Variants in FAM114A2 observed in about 807,000 individuals in gnomAD.
The protein encoded by FAM114A2 is family with sequence similarity 114 member A2.
In FAM114A2, 53 loss-of-function variants were observed where a neutral mutation model predicts 58.4. The observed-to-expected ratio is 0.91, with a 90% confidence interval of 0.73 to 1.14. The LOEUF (loss-of-function observed/expected upper bound fraction) is 1.14. FAM114A2 is among the 50% of genes most tolerant of loss of function. The pLI is 0.00. For synonymous variants in FAM114A2, 228 were observed against 211.4 expected, an observed-to-expected ratio of 1.08 and a Z score of -0.68; for missense variants, 601 against 581.1, an observed-to-expected ratio of 1.03 and a Z score of -0.35.
chr5:154,023,025 C>T (rs1351004490), intron 8 of FAM114A2, among the ~76,000 whole-genome samples: 2 of 152,152 alleles, frequency 1.3e-5, no homozygotes, highest in African/African-American at 4.8e-5. Flanking sequence ...TCTGAGCAAA[C>T]TATCACAAGG....
intron 7 of FAM114A2, 103 bp downstream of exon 7, chr5:154,027,073 C>T (rs1214434302): frequency 4.1e-6 from 4 of 973,806 alleles, no homozygotes; most frequent in Non-Finnish European, 6.1e-6. Flanking sequence ...AAGCCTCTAA[C>T]AAAACATACA....
In FAM114A2 at chr5:154,021,036, C is replaced by T. The variant is rs186281533; in HGVS notation, c.913+5363G>A. On this transcript the variant is annotated intron_variant, in intron 8 of 13. Transcript: ENST00000351797. ...TAATCCATCACGTAAACAGAACCAA[C>T]GACAAAAACCACATGATTATCTCAA... Among the ~76,000 whole-genome samples the T allele has an allele frequency of 5.3e-5, 8 of 152,170 alleles. No homozygotes were observed. In the East Asian group the frequency reaches 7.7e-4, roughly 15 times the overall value.
Position 153,991,916 on chromosome 5 carries a change from G to T in FAM114A2, c.*1060C>A, listed in dbSNP as rs572513454. 6.6e-6 allele frequency: 1 copy of T among 152,178 alleles called. No individual in the cohort carries two copies. The highest frequency in any genetic ancestry group is 1.9e-4 in the East Asian group (1 of 5,180). The allele number at this position is 152,178 out of a possible 1,614,324, so 9.4% of individuals were successfully genotyped here. ...CTTTTAGGAAGACGACAGCTTAATA[G>T]TCTCTTAAATTGCTGAAGAGAGCAA... On this transcript the variant is annotated 3_prime_UTR_variant, in exon 14 of 14. Coordinates refer to ENST00000351797, the MANE Select transcript of FAM114A2 (RefSeq NM_018691.4).
At chr5:154,007,616 T>A (rs1770439672) in intron 9 of FAM114A2, among the ~76,000 whole-genome samples, 1 of 152,176 alleles carries the variant, frequency 6.6e-6, no homozygotes, top group Admixed American at 6.5e-5. Flanking sequence ...GTTACTGGCC[T>A]TACAAAAATA....
In FAM114A2 at chr5:154,018,775, T is replaced by C. The variant is rs572073053; in HGVS notation, c.914-7455A>G. Among the ~76,000 whole-genome samples, 13 of 152,334 alleles carry C rather than the reference T, an allele frequency of 8.5e-5. No individual in the cohort carries two copies. The South Asian group carries it at 2.7e-3, about 32-fold the overall frequency. On this transcript the variant is annotated intron_variant, in intron 8 of 13. Coordinates refer to ENST00000351797, the MANE Select transcript of FAM114A2 (RefSeq NM_018691.4). ...AACATATGAAAGGCAATAAATGTGATATACCACATAAGCAGAATTAAAAAC... is the reference window on the plus strand; with the variant it reads ...AACATATGAAAGGCAATAAATGTGACATACCACATAAGCAGAATTAAAAAC...
chr5:153,993,619 T>A (rs1167106962), intron 13 of FAM114A2, among the ~76,000 whole-genome samples: 2 of 152,174 alleles, frequency 1.3e-5, no homozygotes, highest in Non-Finnish European at 2.9e-5. Context: ...TATAGATATA[T>A]TTCTATCTTG....
At chr5:154,010,989 A>C (rs570513795) in intron 9 of FAM114A2, among the ~76,000 whole-genome samples, 1 of 152,212 alleles carries the variant, frequency 6.6e-6, no homozygotes, top group Non-Finnish European at 1.5e-5. Flanking sequence ...GACTAAATTA[A>C]GCTTTCAGAT....
chr5:154,037,837 G>C (rs1474392932), intron 1 of FAM114A2, among the ~76,000 whole-genome samples: 1 of 152,124 alleles, frequency 6.6e-6, no homozygotes, highest in African/African-American at 2.4e-5. Flanking sequence ...ACAGGCGTGA[G>C]CCACCATGCC....
intron 1 of FAM114A2, chr5:154,036,112 G>A (rs1232641083): frequency 1.3e-5 from 2 of 151,944 alleles, no homozygotes; most frequent in Non-Finnish European, 2.9e-5. Context: ...TTTCCAGTAT[G>A]TAGCTTATCT....
chr5:154,027,016 A>T (rs9324764), intron 7 of FAM114A2, among the ~76,000 whole-genome samples, 160 bp downstream of exon 7: 93,399 of 152,106 alleles, frequency 0.61, 29,218 homozygotes, highest in East Asian at 0.88. Context: ...GTTCAATCAA[A>T]CATTAGTTTT....
At chr5:154,024,804 G>T (rs932499054) in intron 8 of FAM114A2, among the ~76,000 whole-genome samples, 1 of 152,106 alleles carries the variant, frequency 6.6e-6, no homozygotes, top group African/African-American at 2.4e-5. Context: ...GAGTTATGCA[G>T]ACTTTCCAAA....
intron 4 of FAM114A2, among the ~76,000 whole-genome samples, chr5:154,030,283 AC>A (rs1219337829): frequency 2.6e-5 from 4 of 152,242 alleles, no homozygotes; most frequent in Non-Finnish European, 5.9e-5. Flanking sequence ...ATGTTTCAAA[AC>A]AAAAATCCAT....
chr5:153,998,641 T>TG (rs1769747985), intron 11 of FAM114A2, among the ~76,000 whole-genome samples: 1 of 152,120 alleles, frequency 6.6e-6, no homozygotes, highest in African/African-American at 2.4e-5. Flanking sequence ...GCTATGCTCT[T>TG]GGACTTTCTA....
chr5:153,996,739 G>A (rs1275402837), intron 12 of FAM114A2, among the ~76,000 whole-genome samples: 1 of 111,926 alleles, frequency 8.9e-6, no homozygotes, highest in African/African-American at 3.1e-5. Context: ...GCTCATGCCT[G>A]TACTCCCAGC....
chr5:154,000,535 A>T, intron 11 of FAM114A2, among the ~76,000 whole-genome samples: 1 of 152,184 alleles, frequency 6.6e-6, no homozygotes, highest in Non-Finnish European at 1.5e-5. Context: ...TGGGTGGAAG[A>T]CATGAATGGA....
chr5:154,018,527 T>G (rs908179636), intron 8 of FAM114A2, among the ~76,000 whole-genome samples: 4 of 151,750 alleles, frequency 2.6e-5, no homozygotes, highest in African/African-American at 9.7e-5. Flanking sequence ...TTTCACAAGA[T>G]AAAGAGGGAA....
At chr5:154,019,874 A>T (rs1771290402) in intron 8 of FAM114A2, among the ~76,000 whole-genome samples, 1 of 152,228 alleles carries the variant, frequency 6.6e-6, no homozygotes, top group Non-Finnish European at 1.5e-5. Flanking sequence ...CACTGCACTT[A>T]TTCCAAAATT....
At position 154,017,687 on chromosome 5, in the gene FAM114A2, T is replaced by C. The variant is rs186236190; in HGVS notation, c.914-6367A>G. Among the ~76,000 whole-genome samples, 706 of 152,298 alleles carry C rather than the reference T, an allele frequency of 4.6e-3. 3 individuals carry two copies. The highest frequency in any genetic ancestry group is 8.0e-3 in the Admixed American group (122 of 15,302). ...ACTTTCTCCAAGACAGACCATATGA[T>C]AGGCCACAAAAGGGGCCTCTATAAA... On this transcript the variant is annotated intron_variant, in intron 8 of 13. Coordinates refer to ENST00000351797, the MANE Select transcript of FAM114A2 (RefSeq NM_018691.4).
intron 8 of FAM114A2, among the ~76,000 whole-genome samples, chr5:154,023,413 A>G (rs1272470940): frequency 6.6e-6 from 1 of 152,212 alleles, no homozygotes; most frequent in East Asian, 1.9e-4. Context: ...AAACTGTGGT[A>G]TATATATACA....
Sources: allele counts gnomAD v4.1 joint callset (sites outside exome capture counted in the v4.1 genomes callset), GRCh38; gene constraint gnomAD v4.1.1; transcripts MANE v1.5; gene names NCBI Gene and HGNC (gene_info 2026-07-23, HGNC 2026-07-21).